The following SYT1 variants were observed in gnomAD, a reference collection of about 807,000 sequenced individuals.
The protein encoded by SYT1 is synaptotagmin-1.
In SYT1, 8 loss-of-function variants were observed where a neutral mutation model predicts 44.8. The ratio of observed to expected loss-of-function variants is 0.18; its 90% CI spans 0.10 to 0.32. SYT1 has a LOEUF of 0.32. Ranked by LOEUF, SYT1 falls within the 10% of genes least tolerant of loss-of-function variation. The probability of loss-of-function intolerance (pLI) is 1.00; values close to 1 mark genes in which losing one functional copy is unlikely to be tolerated. For missense variants in SYT1, 286 were observed against 509.3 expected, an observed-to-expected ratio of 0.56 and a Z score of 4.22; for synonymous variants, 154 against 188.8, an observed-to-expected ratio of 0.82 and a Z score of 1.51.
chr12:79,079,218 G>A (rs111228783), intron 3 of SYT1, among the ~76,000 whole-genome samples: 153 of 151,996 alleles, frequency 1.0e-3, no homozygotes, highest in African/African-American at 3.4e-3. Context: ...ACATGAGAAC[G>A]ATTTCAACTG....
intron 9 of SYT1, among the ~76,000 whole-genome samples, chr12:79,421,187 T>C (rs143665125): frequency 2.6e-5 from 4 of 152,240 alleles, no homozygotes; most frequent in Non-Finnish European, 4.4e-5. Context: ...AATAATAACA[T>C]TTTATTTTGG....
intron 3 of SYT1, among the ~76,000 whole-genome samples, chr12:79,209,460 G>A (rs1411843551): frequency 6.6e-6 from 1 of 152,164 alleles, no homozygotes; most frequent in East Asian, 1.9e-4. Context: ...TGCAGAAGGG[G>A]AGATGCTTGC....
At chr12:79,407,213 A>T (rs1487227029) in intron 9 of SYT1, among the ~76,000 whole-genome samples, 1 of 152,060 alleles carries the variant, frequency 6.6e-6, no homozygotes, top group Non-Finnish European at 1.5e-5. Context: ...GTTACTTATG[A>T]CTAATCATAC....
chr12:79,371,584 T>C (rs751620632), intron 9 of SYT1, among the ~76,000 whole-genome samples: 5 of 152,166 alleles, frequency 3.3e-5, no homozygotes, highest in Non-Finnish European at 5.9e-5. Flanking sequence ...CAGAAGGAAT[T>C]TGTGTTCTAT....
intron 4 of SYT1, among the ~76,000 whole-genome samples, chr12:79,255,641 C>G (rs887132898): frequency 6.6e-6 from 1 of 152,166 alleles, no homozygotes; most frequent in African/African-American, 2.4e-5. Flanking sequence ...TCAGCACTCT[C>G]TTAGCAAAAA....
intron 3 of SYT1, among the ~76,000 whole-genome samples, chr12:79,158,206 C>T (rs1870719503): frequency 6.6e-6 from 1 of 152,068 alleles, no homozygotes; most frequent in Non-Finnish European, 1.5e-5. Flanking sequence ...AGTGCGATCC[C>T]TGAGCTTATT....
chr12:79,055,351 G>C (rs1438694499), intron 3 of SYT1, among the ~76,000 whole-genome samples: 1 of 151,832 alleles, frequency 6.6e-6, no homozygotes, highest in Non-Finnish European at 1.5e-5. Flanking sequence ...TATGTAAGTT[G>C]TCTAGTCAAA....
At chr12:79,396,601 T>C (rs1253676334) in intron 9 of SYT1, among the ~76,000 whole-genome samples, 2 of 152,142 alleles carry the variant, frequency 1.3e-5, no homozygotes, top group African/African-American at 4.8e-5. Flanking sequence ...AGAGCTTCCA[T>C]TCAAAGAATG....
chr12:79,308,374 A>G (rs1264513736), intron 8 of SYT1, among the ~76,000 whole-genome samples: 1 of 151,922 alleles, frequency 6.6e-6, no homozygotes, highest in Non-Finnish European at 1.5e-5. Flanking sequence ...AAAATACAAA[A>G]TTAGCCCGGT....
chr12:79,048,077 C>G (rs1470919335), intron 3 of SYT1, among the ~76,000 whole-genome samples: 2 of 151,724 alleles, frequency 1.3e-5, no homozygotes, highest in Non-Finnish European at 3.0e-5. Context: ...AAAAGCAAAA[C>G]CCATGTTGAT....
chr12:78,957,268 A>G (rs1485520958), intron 1 of SYT1, among the ~76,000 whole-genome samples: 1 of 152,162 alleles, frequency 6.6e-6, no homozygotes, highest in Non-Finnish European at 1.5e-5. Context: ...CAGTTGTTCA[A>G]ACTATCCTGG....
In SYT1 at chr12:79,280,988, A is replaced by C. The variant is rs1268855528; in HGVS notation, c.167-4799A>C. Among the ~76,000 whole-genome samples the C allele has an allele frequency of 1.5e-3, 227 of 151,144 alleles. 1 individual carries two copies. The highest frequency in any genetic ancestry group is 6.0e-3 in the South Asian group (29 of 4,802). On this transcript the variant is annotated intron_variant, in intron 4 of 10. Coordinates refer to ENST00000261205, the MANE Select transcript of SYT1 (RefSeq NM_005639.3). Reference sequence around the variant, plus strand: ...CAGAATGGCCATTAATAAAAAGTAAAAAAAAAAAAAATAGATACTGGCATG... The same window carrying C: ...CAGAATGGCCATTAATAAAAAGTAACAAAAAAAAAAATAGATACTGGCATG...
chr12:78,948,291 A>G lies in SYT1; in HGVS notation c.-216-29508A>G, dbSNP rs2176018. On this transcript the variant is annotated intron_variant, in intron 1 of 10. Transcript: ENST00000261205. ...TACTCCTAATCAAAATGCAATTTAC[A>G]GAATGTATTATTTCATCGAGAAATT... Among the ~76,000 whole-genome samples, 5 of 152,118 alleles carry G rather than the reference A, an allele frequency of 3.3e-5. No homozygotes were observed. In the South Asian group the frequency reaches 8.3e-4, roughly 25 times the overall value.
chr12:79,267,573 C>G (rs1878199243), intron 4 of SYT1, among the ~76,000 whole-genome samples: 1 of 152,158 alleles, frequency 6.6e-6, no homozygotes, highest in Non-Finnish European at 1.5e-5. Flanking sequence ...GAAATCAGAA[C>G]TCAAGAAAGA....
intron 3 of SYT1, among the ~76,000 whole-genome samples, chr12:79,189,894 A>T (rs748762516): frequency 3.3e-5 from 5 of 152,068 alleles, no homozygotes; most frequent in Non-Finnish European, 7.4e-5. Flanking sequence ...ACAGAACAAG[A>T]CTGTGTCTCA....
At chr12:79,288,578 T>C (rs1879423150) in intron 5 of SYT1, among the ~76,000 whole-genome samples, 1 of 152,138 alleles carries the variant, frequency 6.6e-6, no homozygotes, top group South Asian at 2.1e-4. Flanking sequence ...CCAAGGAAGA[T>C]TTTTTTAAAT....
chr12:79,339,389 G>A (rs1252476127), intron 8 of SYT1, among the ~76,000 whole-genome samples: 4 of 152,214 alleles, frequency 2.6e-5, no homozygotes, highest in African/African-American at 9.7e-5. Context: ...GTATCTCATT[G>A]TGGTTTTGAT....
intron 1 of SYT1, among the ~76,000 whole-genome samples, chr12:78,895,106 G>T (rs1329876893): frequency 6.6e-6 from 1 of 151,536 alleles, no homozygotes; most frequent in Non-Finnish European, 1.5e-5. Flanking sequence ...CACTATTTTT[G>T]ATGTATTCTC....
intron 2 of SYT1, among the ~76,000 whole-genome samples, chr12:79,020,725 G>A (rs1872137155): frequency 3.3e-5 from 5 of 151,844 alleles, no homozygotes; most frequent in Non-Finnish European, 7.4e-5. Flanking sequence ...CTGTGCTCTG[G>A]AAAGAAAGCA....
Sources: allele counts gnomAD v4.1 joint callset (sites outside exome capture counted in the v4.1 genomes callset), GRCh38; gene constraint gnomAD v4.1.1; transcripts MANE v1.5; gene names NCBI Gene and HGNC (gene_info 2026-07-23, HGNC 2026-07-21).